DPYD: variants seen among roughly 807,000 people sequenced by gnomAD.
DPYD encodes the protein dihydropyrimidine dehydrogenase, also known as dihydropyrimidine dehydrogenase [NADP(+)].
DPYD carries 109 observed loss-of-function variants against 116.2 expected under a neutral mutation model. The observed-to-expected ratio is 0.94, with a 90% CI of 0.80 to 1.10. The LOEUF (loss-of-function observed/expected upper bound fraction) is 1.10. Ranked by LOEUF, DPYD falls within the 50% of genes least tolerant of loss-of-function variation. The pLI is 0.00. For missense variants in DPYD, 1,302 were observed against 1,254.5 expected, an observed-to-expected ratio of 1.04 and a Z score of -0.57; for synonymous variants, 440 against 432.0, an observed-to-expected ratio of 1.02 and a Z score of -0.23.
At position 97,740,401 on chromosome 1, in the gene DPYD, A is replaced by C. The variant is rs749699298; in HGVS notation, c.312T>G (p.Ile104Met). Residue 104 changes from isoleucine to methionine, a missense_variant, in exon 4 of 23, where the codon ATT (isoleucine) becomes ATG (methionine). Physicochemically the swap from Ile to Met is conservative, Grantham distance 10. Transcript: ENST00000370192. ...NLDIKSFITS[I>M]ANKNYYGAAK... ...TTAAATCTGAATTTACCTTGTTTGC[A>C]ATACTTGTGATGAATGATTTAATAT... 2.5e-6 allele frequency: 4 copies of C among 1,612,244 alleles called. No individual in the cohort carries two copies. The highest frequency in any genetic ancestry group is 1.7e-6 in the Non-Finnish European group (2 of 1,178,598).
intron 19 of DPYD, among the ~76,000 whole-genome samples, chr1:97,195,634 G>GTATATATATATATATATATATA (rs71071637): frequency 3.5e-5 from 2 of 57,728 alleles, no homozygotes; most frequent in Non-Finnish European, 6.6e-5. Flanking sequence ...ATATGTATGT[G>GTATATATATATATATATATATA]TATATATATA....
At chr1:97,648,203 G>T (rs1014430138) in intron 8 of DPYD, among the ~76,000 whole-genome samples, 2 of 152,014 alleles carry the variant, frequency 1.3e-5, no homozygotes, top group Non-Finnish European at 2.9e-5. Flanking sequence ...AAGGAATCTA[G>T]ATAGTGAGAC....
At chr1:97,872,880 C>T (rs772895006) in intron 2 of DPYD, among the ~76,000 whole-genome samples, 2 of 151,888 alleles carry the variant, frequency 1.3e-5, no homozygotes, top group Non-Finnish European at 2.9e-5. Flanking sequence ...GTACTGACAC[C>T]GTTTCAATCC....
intron 20 of DPYD, among the ~76,000 whole-genome samples, chr1:97,106,183 A>G (rs1651125573): frequency 6.6e-6 from 1 of 152,112 alleles, no homozygotes; most frequent in Non-Finnish European, 1.5e-5. Context: ...AGTGGTAGGA[A>G]AGTGAACTAG....
intron 3 of DPYD, among the ~76,000 whole-genome samples, chr1:97,827,565 T>G (rs1178284359): frequency 2.6e-5 from 4 of 151,968 alleles, no homozygotes; most frequent in African/African-American, 9.7e-5. Flanking sequence ...ATTACTGATG[T>G]TAAGAAATGA....
intron 4 of DPYD, among the ~76,000 whole-genome samples, chr1:97,721,938 C>G (rs920229570): frequency 1.3e-5 from 2 of 151,528 alleles, no homozygotes; most frequent in Admixed American, 6.6e-5. Context: ...AATAAATGTT[C>G]TGTAAATGGT....
intron 19 of DPYD, among the ~76,000 whole-genome samples, chr1:97,195,678 A>G (rs1398960384): frequency 1.2e-5 from 1 of 85,200 alleles, no homozygotes. Flanking sequence ...ATATATATAT[A>G]TATATATATA....
intron 18 of DPYD, among the ~76,000 whole-genome samples, chr1:97,257,711 C>G (rs1228560293): frequency 2.0e-5 from 3 of 151,756 alleles, no homozygotes; most frequent in Admixed American, 2.0e-4. Flanking sequence ...ACATTAAAAA[C>G]CAAATATTTT....
At chr1:97,128,431 TAG>T (rs1653017814) in intron 20 of DPYD, among the ~76,000 whole-genome samples, 1 of 152,186 alleles carries the variant, frequency 6.6e-6, no homozygotes, top group Admixed American at 6.6e-5. Context: ...TGAGTGTGGT[TAG>T]AGTTATCCGT....
intron 6 of DPYD, among the ~76,000 whole-genome samples, chr1:97,693,549 A>G (rs1460344173): frequency 6.6e-6 from 1 of 152,110 alleles, no homozygotes; most frequent in East Asian, 1.9e-4. Flanking sequence ...GTCTAAGTAG[A>G]AAGATTCTTA....
At chr1:97,306,708 A>G (rs1021053678) in intron 16 of DPYD, among the ~76,000 whole-genome samples, 1 of 151,978 alleles carries the variant, frequency 6.6e-6, no homozygotes, top group Non-Finnish European at 1.5e-5. Flanking sequence ...CTGCTGACTC[A>G]AGTGAATGAT....
chr1:97,159,085 C>T (rs191226806), intron 20 of DPYD, among the ~76,000 whole-genome samples: 16 of 152,078 alleles, frequency 1.1e-4, no homozygotes, highest in Admixed American at 3.9e-4. Context: ...AAATGAAGGG[C>T]AATCAACAGG....
intron 8 of DPYD, among the ~76,000 whole-genome samples, chr1:97,627,899 A>G (rs1357414445): frequency 5.3e-5 from 8 of 152,068 alleles, no homozygotes; most frequent in Admixed American, 5.3e-4. Flanking sequence ...AGGCAAAATT[A>G]TAAAGGGCCT....
intron 18 of DPYD, among the ~76,000 whole-genome samples, chr1:97,303,366 T>A (rs1006643856): frequency 6.6e-6 from 1 of 152,048 alleles, no homozygotes; most frequent in Non-Finnish European, 1.5e-5. Context: ...GTAAATTTTT[T>A]AAAAATCTTA....
intron 16 of DPYD, among the ~76,000 whole-genome samples, chr1:97,348,854 TTAAAGCCATAGGC>T (rs1334011089): frequency 3.9e-5 from 6 of 152,152 alleles, no homozygotes; most frequent in Non-Finnish European, 8.8e-5. Context: ...GATCCAGATG[TTAAAGCCATAGGC>T]TTCAACTTCC....
At chr1:97,807,555 T>C (rs536617045) in intron 3 of DPYD, among the ~76,000 whole-genome samples, 6 of 152,114 alleles carry the variant, frequency 3.9e-5, no homozygotes, top group Non-Finnish European at 5.9e-5. Context: ...TCTGTTATGT[T>C]TCTTTCATAA....
At chr1:97,805,585 G>A (rs1668041719) in intron 3 of DPYD, among the ~76,000 whole-genome samples, 1 of 151,730 alleles carries the variant, frequency 6.6e-6, no homozygotes, top group South Asian at 2.1e-4. Flanking sequence ...GCATAATGTA[G>A]TAAGTCACAG....
chr1:97,098,750 A>G (rs1650449188), intron 20 of DPYD, 118 bp from the exon 21 acceptor site: 9 of 1,184,208 alleles, frequency 7.6e-6, no homozygotes, highest in African/African-American at 1.5e-5. Context: ...TGTTTCATGT[A>G]TACTGTAACT....
At chr1:97,390,527 ACT>A (rs1672635106) in intron 14 of DPYD, among the ~76,000 whole-genome samples, 1 of 152,072 alleles carries the variant, frequency 6.6e-6, no homozygotes, top group African/African-American at 2.4e-5. Flanking sequence ...ATATACATTG[ACT>A]ATAAGACATT....
Sources: allele counts gnomAD v4.1 joint callset (sites outside exome capture counted in the v4.1 genomes callset), GRCh38; gene constraint gnomAD v4.1.1; transcripts MANE v1.5; gene names NCBI Gene and HGNC (gene_info 2026-07-23, HGNC 2026-07-21).